ADARB2: variants seen among roughly 807,000 people sequenced by gnomAD.
The protein encoded by ADARB2 is inactive double-stranded RNA-specific editase B2.
Under a neutral mutation model 62.2 loss-of-function variants are expected in ADARB2, and 25 were observed. That is an observed-to-expected ratio of 0.40 (90% CI 0.29 to 0.56). The LOEUF is 0.56. ADARB2 is among the 20% of genes least tolerant of loss of function. ADARB2 has a pLI of 0.43. For synonymous variants in ADARB2, 572 were observed against 500.8 expected (o/e 1.14, Z -1.90); for missense variants, 1,071 against 1,077.4 (o/e 0.99, Z 0.08).
At position 1,351,974 on chromosome 10, in the gene ADARB2, G is replaced by A. The variant is rs577814236; in HGVS notation, c.1077+11054C>T. Among the ~76,000 whole-genome samples, 689 of 148,342 alleles carry A rather than the reference G, an allele frequency of 4.6e-3. 32 individuals are homozygous for A. Among genetic ancestry groups the A allele is most frequent in the African/African-American group, 0.017 (633 of 38,334 alleles). Reference sequence around the variant, plus strand: ...CCTCCACAACCCATTATTCTGTTCTGTATCTCAAACATGCTTTCTTTACTA... The same window carrying A: ...CCTCCACAACCCATTATTCTGTTCTATATCTCAAACATGCTTTCTTTACTA... On this transcript the variant is annotated intron_variant, in intron 3 of 9. Transcript: ENST00000381312.
At chr10:1,451,551 G>T (rs550031562) in intron 1 of ADARB2, among the ~76,000 whole-genome samples, 1 of 151,962 alleles carries the variant, frequency 6.6e-6, no homozygotes, top group East Asian at 1.9e-4. Flanking sequence ...TTTGAAGAGG[G>T]GACACACCTG....
chr10:1,504,805 G>A (rs1404446082), intron 1 of ADARB2, among the ~76,000 whole-genome samples: 1 of 152,000 alleles, frequency 6.6e-6, no homozygotes, highest in Non-Finnish European at 1.5e-5. Context: ...ATATACAAGG[G>A]GGTAGTTGTT....
chr10:1,614,252 CAG>C, intron 1 of ADARB2, among the ~76,000 whole-genome samples: 1 of 152,328 alleles, frequency 6.6e-6, no homozygotes, highest in East Asian at 1.9e-4. Context: ...ATTACATTAA[CAG>C]AACATCAATG....
intron 1 of ADARB2, among the ~76,000 whole-genome samples, chr10:1,636,865 T>G (rs1564354140): frequency 6.7e-6 from 1 of 148,454 alleles, no homozygotes; most frequent in Non-Finnish European, 1.5e-5. Context: ...ACATATAATA[T>G]TGATATGTAA....
At chr10:1,591,306 C>T (rs373915797) in intron 1 of ADARB2, among the ~76,000 whole-genome samples, 1 of 152,188 alleles carries the variant, frequency 6.6e-6, no homozygotes, top group Admixed American at 6.5e-5. Flanking sequence ...TCCGCGAGGG[C>T]GTGCCATCCC....
intron 1 of ADARB2, among the ~76,000 whole-genome samples, chr10:1,590,094 C>T (rs1452598660): frequency 6.6e-6 from 1 of 152,226 alleles, no homozygotes; most frequent in Non-Finnish European, 1.5e-5. Flanking sequence ...TTGCTGGCAG[C>T]ATCGCCTCCA....
intron 1 of ADARB2, among the ~76,000 whole-genome samples, chr10:1,462,214 C>A (rs74599310): frequency 2.0e-5 from 3 of 152,044 alleles, no homozygotes; most frequent in Admixed American, 2.0e-4. Flanking sequence ...GAGCCTGCCT[C>A]GGCCACAGCT....
chr10:1,666,593 C>G (rs374887857), intron 1 of ADARB2, among the ~76,000 whole-genome samples: 2 of 152,188 alleles, frequency 1.3e-5, no homozygotes, highest in Non-Finnish European at 2.9e-5. Flanking sequence ...CTCCTGCAGC[C>G]GAGGGGGAAT....
chr10:1,513,830 C>T (rs1434335338), intron 1 of ADARB2, among the ~76,000 whole-genome samples: 5 of 152,084 alleles, frequency 3.3e-5, no homozygotes, highest in Non-Finnish European at 7.4e-5. Flanking sequence ...ACCTTTCTGG[C>T]GCCTCTTACT....
chr10:1,565,614 G>T (rs1372769563), intron 1 of ADARB2, among the ~76,000 whole-genome samples: 2 of 152,152 alleles, frequency 1.3e-5, no homozygotes, highest in African/African-American at 4.8e-5. Context: ...GGAAAAGAGA[G>T]ATTTGAATAC....
chr10:1,324,261 G>T (rs1356477650), intron 3 of ADARB2, among the ~76,000 whole-genome samples: 1 of 152,224 alleles, frequency 6.6e-6, no homozygotes, highest in Non-Finnish European at 1.5e-5. Flanking sequence ...AATAAAGGCT[G>T]AGAAGGGCCC....
chr10:1,602,030 A>T (rs576362021), intron 1 of ADARB2, among the ~76,000 whole-genome samples: 1 of 152,296 alleles, frequency 6.6e-6, no homozygotes, highest in South Asian at 2.1e-4. Context: ...AGGAGGGCTC[A>T]TGGGAACCGG....
intron 1 of ADARB2, among the ~76,000 whole-genome samples, chr10:1,729,041 A>G (rs569502024): frequency 9.2e-5 from 14 of 152,334 alleles, no homozygotes; most frequent in Non-Finnish European, 1.8e-4. Context: ...GAGAATTTTC[A>G]AAATTTCTCC....
At chr10:1,299,638 A>G (rs971688257) in intron 3 of ADARB2, among the ~76,000 whole-genome samples, 10 of 152,132 alleles carry the variant, frequency 6.6e-5, no homozygotes, top group African/African-American at 2.2e-4. Context: ...CCCATCCCAC[A>G]CTGGTGCACG....
In ADARB2 at chr10:1,182,891, C is replaced by T. The variant is rs182528471; in HGVS notation, c.*302G>A. ...GTCGTGTCGGTGCCTCCTTCCAAGG[C>T]TGCAGCTAAAACCCCTTTGCCTGAA... On this transcript the variant is annotated 3_prime_UTR_variant, in exon 10 of 10. Transcript: ENST00000381312. The T allele has an allele frequency of 3.1e-6, 1 of 320,556 alleles. No individual in the cohort carries two copies. The highest frequency in any genetic ancestry group is 5.8e-6 in the Non-Finnish European group (1 of 171,066). 19.9% of individuals were successfully genotyped at this position (320,556 alleles called of 1,614,324 possible).
intron 1 of ADARB2, among the ~76,000 whole-genome samples, chr10:1,465,538 G>T (rs1831243667): frequency 6.6e-6 from 1 of 152,234 alleles, no homozygotes; most frequent in Admixed American, 6.5e-5. Flanking sequence ...GTGAGCCCCA[G>T]AATCGCCCTG....
chr10:1,405,923 G>A (rs913388589), intron 1 of ADARB2, among the ~76,000 whole-genome samples: 4 of 150,998 alleles, frequency 2.6e-5, no homozygotes, highest in South Asian at 4.2e-4. Context: ...AGATACACCC[G>A]TTTATTAAAC....
intron 3 of ADARB2, among the ~76,000 whole-genome samples, chr10:1,348,330 G>GT (rs941207760): frequency 6.6e-6 from 1 of 152,198 alleles, no homozygotes; most frequent in African/African-American, 2.4e-5. Context: ...TGGGATGTGG[G>GT]TTTCCTGGGT....
chr10:1,407,262 G>A (rs561345962), intron 1 of ADARB2, among the ~76,000 whole-genome samples: 2 of 152,302 alleles, frequency 1.3e-5, no homozygotes, highest in South Asian at 4.1e-4. Flanking sequence ...TGGGAAGCAG[G>A]ACGATGACCT....
Sources: allele counts gnomAD v4.1 joint callset (sites outside exome capture counted in the v4.1 genomes callset), GRCh38; gene constraint gnomAD v4.1.1; transcripts MANE v1.5; gene names NCBI Gene and HGNC (gene_info 2026-07-23, HGNC 2026-07-21).